The following RASSF5 variants were observed in gnomAD, a reference collection of about 807,000 sequenced individuals.
RASSF5 encodes the protein Ras association domain family member 5.
A neutral mutation model predicts 40.5 loss-of-function variants in RASSF5; 25 were observed. The observed-to-expected ratio is 0.62, with a 90% CI of 0.45 to 0.86. The LOEUF is 0.86. Ranked by LOEUF, RASSF5 falls within the 40% of genes least tolerant of loss-of-function variation. The pLI is 0.00. For synonymous variants in RASSF5, 246 were observed against 252.4 expected, an observed-to-expected ratio of 0.97 and a Z score of 0.24; for missense variants, 521 against 572.8, an observed-to-expected ratio of 0.91 and a Z score of 0.92.
At chr1:206,530,405 T>C (rs1263612456) in intron 1 of RASSF5, among the ~76,000 whole-genome samples, 3 of 152,234 alleles carry the variant, frequency 2.0e-5, no homozygotes, top group African/African-American at 7.2e-5. Flanking sequence ...ACTAGTCTTT[T>C]GTAGATGGAT....
chr1:206,543,828 A>C (rs1382961807), intron 2 of RASSF5: 4 of 152,148 alleles, frequency 2.6e-5, no homozygotes, highest in Non-Finnish European at 5.9e-5. Flanking sequence ...ATCTGTGCTC[A>C]CTGCAACCTC....
chr1:206,549,460 C>A (rs1041737686), intron 2 of RASSF5, among the ~76,000 whole-genome samples: 1 of 151,916 alleles, frequency 6.6e-6, no homozygotes, highest in Non-Finnish European at 1.5e-5. Flanking sequence ...TGTCTTTGAC[C>A]AATGCTAATA....
chr1:206,520,264 A>T (rs1224748908), intron 1 of RASSF5, among the ~76,000 whole-genome samples: 10 of 152,208 alleles, frequency 6.6e-5, no homozygotes, highest in Admixed American at 6.5e-4. Flanking sequence ...GAATATCCTC[A>T]TCTCACTCAC....
At chr1:206,516,623 A>AT (rs1354190905) in intron 1 of RASSF5, among the ~76,000 whole-genome samples, 1 of 151,868 alleles carries the variant, frequency 6.6e-6, no homozygotes, top group Non-Finnish European at 1.5e-5. Context: ...CACCCGGATA[A>AT]TTTTTTTGTA....
chr1:206,525,545 C>A (rs1393733056), intron 1 of RASSF5, among the ~76,000 whole-genome samples: 2 of 152,108 alleles, frequency 1.3e-5, no homozygotes, highest in African/African-American at 2.4e-5. Context: ...AGTAGCTGGG[C>A]CTACAGGCAC....
chr1:206,566,361 C>G (rs1668289442), intron 2 of RASSF5, among the ~76,000 whole-genome samples: 1 of 152,154 alleles, frequency 6.6e-6, no homozygotes, highest in Non-Finnish European at 1.5e-5. Context: ...GAAATTCAGG[C>G]CGTTTTTTCC....
intron 2 of RASSF5, among the ~76,000 whole-genome samples, chr1:206,576,474 G>A (rs1668664254): frequency 6.6e-6 from 1 of 152,210 alleles, no homozygotes; most frequent in Non-Finnish European, 1.5e-5. Context: ...TTGTCTTCTT[G>A]TGAAAAGTGT....
rs941467957 is a variant in RASSF5, at chr1:206,507,745, C to T, written c.143C>T (p.Ala48Val). 12 of 1,467,240 alleles carry T rather than the reference C, an allele frequency of 8.2e-6. No individual in the cohort carries two copies. The highest frequency in any genetic ancestry group is 5.1e-5 in the Admixed American group (2 of 39,072). The allele number at this position is 1,467,240 out of a possible 1,614,324, so 90.9% of individuals were successfully genotyped here. A position where few individuals can be genotyped will look rare whatever the true frequency, so the allele number is the denominator to read the frequency against. The part of the protein sequence containing the change: ...PDRSSRLCVP[A>V]PLSTAPGARE... ...CGGTCCTCGCGCCTCTGTGTCCCGG[C>T]GCCCCTCTCCACTGCGCCCGGGGCG... The change falls in exon 1 of 6, where the codon GCG (alanine) becomes GTG (valine). Residue 48 changes from alanine to valine, a missense_variant. Ala to Val is a moderately conservative substitution (Grantham distance 64). Transcript: ENST00000579436.
Position 206,584,324 on chromosome 1 carries a change from G to A in RASSF5, c.691-63G>A. 2.0e-6 allele frequency: 3 copies of A among 1,507,560 alleles called. No individual in the cohort carries two copies. The highest frequency in any genetic ancestry group is 1.8e-6 in the Non-Finnish European group (2 of 1,114,810). The allele number at this position is 1,507,560 out of a possible 1,614,324, so 93.4% of individuals were successfully genotyped here. A position where few individuals can be genotyped will look rare whatever the true frequency, so the allele number is the denominator to read the frequency against. On this transcript the variant is annotated intron_variant, in intron 3 of 5. Transcript: ENST00000579436. The surrounding 1 kb of genome is among the most constrained non-coding windows in gnomAD (Gnocchi z 4.9). ...GGTGCTGCTGGGGCAATGGCCCCGA[G>A]TGGCAGATATGATCATGCAAGGCGG...
chr1:206,538,391 A>G, intron 2 of RASSF5, 98 bp downstream of exon 2: 1 of 1,519,444 alleles, frequency 6.6e-7, no homozygotes, highest in Non-Finnish European at 9.0e-7. Context: ...AGGAGGTGGC[A>G]TGAGGCCTCA....
At chr1:206,511,202 G>T (rs1369447088) in intron 1 of RASSF5, among the ~76,000 whole-genome samples, 2 of 152,178 alleles carry the variant, frequency 1.3e-5, no homozygotes, top group Admixed American at 1.3e-4. Context: ...GAGAGAGAAC[G>T]AAAGGTCCTG....
At chr1:206,550,822 C>G (rs1667819278) in intron 2 of RASSF5, among the ~76,000 whole-genome samples, 2 of 152,202 alleles carry the variant, frequency 1.3e-5, no homozygotes, top group South Asian at 4.1e-4. Flanking sequence ...ATGCTGCTCT[C>G]AGCATCTTAA....
chr1:206,573,864 C>T (rs11119070), intron 2 of RASSF5, among the ~76,000 whole-genome samples: 5 of 152,194 alleles, frequency 3.3e-5, no homozygotes, highest in African/African-American at 4.8e-5. Context: ...AAATAGAAAT[C>T]GGAGTCTTAG....
chr1:206,562,176 T>A (rs1331921080), intron 2 of RASSF5, among the ~76,000 whole-genome samples: 1 of 152,214 alleles, frequency 6.6e-6, no homozygotes, highest in East Asian at 1.9e-4. Context: ...AGTCAGCTCC[T>A]CCCTGGACAG....
Position 206,587,052 on chromosome 1 carries a change from T to A in RASSF5, c.*74T>A. 1 of 1,552,044 alleles carries A rather than the reference T, an allele frequency of 6.4e-7. No individual in the cohort carries two copies. The highest frequency in any genetic ancestry group is 1.4e-5 in the African/African-American group (1 of 72,918). On this transcript the variant is annotated 3_prime_UTR_variant, in exon 6 of 6. Coordinates refer to ENST00000579436, the MANE Select transcript of RASSF5 (RefSeq NM_182663.4). ...TTAATTATTATTTTGCAACAGACAC[T>A]TTTTCTCAGGACATCTCTGGCAGGT...
chr1:206,557,414 G>A, intron 2 of RASSF5: 1 of 1,391,722 alleles, frequency 7.2e-7, no homozygotes, highest in Non-Finnish European at 9.3e-7. Context: ...CGGCCCGCCG[G>A]CTCTGCCTGG....
Position 206,587,041 on chromosome 1 carries a change from G to T in RASSF5, c.*63G>T, listed in dbSNP as rs1404259448. 3 of 1,584,952 alleles carry T rather than the reference G, an allele frequency of 1.9e-6. No individual in the cohort carries two copies. Among genetic ancestry groups the T allele is most frequent in the Non-Finnish European group, 2.6e-6 (3 of 1,163,008 alleles). On this transcript the variant is annotated 3_prime_UTR_variant, in exon 6 of 6. Coordinates refer to ENST00000579436, the MANE Select transcript of RASSF5 (RefSeq NM_182663.4). Reference sequence around the variant, plus strand: ...TATTTGTATTATTAATTATTATTTTGCAACAGACACTTTTTCTCAGGACAT... The same window carrying T: ...TATTTGTATTATTAATTATTATTTTTCAACAGACACTTTTTCTCAGGACAT...
intron 1 of RASSF5, chr1:206,529,840 G>T (rs182598362): frequency 3.7e-4 from 136 of 364,190 alleles, no homozygotes; most frequent in African/African-American, 2.7e-3. Flanking sequence ...GCTTGAGCCT[G>T]GGAGGTCAAG....
At chr1:206,561,764 C>G (rs1205535633) in intron 2 of RASSF5, among the ~76,000 whole-genome samples, 1 of 146,674 alleles carries the variant, frequency 6.8e-6, no homozygotes, top group Non-Finnish European at 1.5e-5. Context: ...CTCCCAGGTT[C>G]AAGCAATTCT....
Sources: allele counts gnomAD v4.1 joint callset (sites outside exome capture counted in the v4.1 genomes callset), GRCh38; gene constraint gnomAD v4.1.1; non-coding constraint Gnocchi (gnomAD v3.1); transcripts MANE v1.5; gene names NCBI Gene and HGNC (gene_info 2026-07-23, HGNC 2026-07-21).